PRR16: variants seen among roughly 807,000 people sequenced by gnomAD.
The protein encoded by PRR16 is protein Largen.
In PRR16, 6 loss-of-function variants were observed where a neutral mutation model predicts 18.2. That is an observed-to-expected ratio of 0.33 (90% CI 0.18 to 0.65). The LOEUF is 0.65. Ranked by LOEUF, PRR16 falls within the 30% of genes least tolerant of loss-of-function variation. The pLI is 0.74. For synonymous variants in PRR16, 151 were observed against 147.8 expected, an observed-to-expected ratio of 1.02 and a Z score of -0.16; for missense variants, 412 against 376.6, an observed-to-expected ratio of 1.09 and a Z score of -0.78.
chr5:120,728,246 C>T, the PRR16 span, among the ~76,000 whole-genome samples: 1 of 151,144 alleles, frequency 6.6e-6, no homozygotes, highest in Non-Finnish European at 1.5e-5. Context: ...CAAAAAAATC[C>T]CAAATAATTA....
At chr5:120,667,018 A>C (rs1187537997) in intron 1 of PRR16, among the ~76,000 whole-genome samples, 1 of 150,514 alleles carries the variant, frequency 6.6e-6, no homozygotes, top group African/African-American at 2.4e-5. Context: ...TGATTGGAAT[A>C]GTTTCAGAAG....
chr5:120,479,509 T>G (rs1257844007), intron 1 of PRR16, among the ~76,000 whole-genome samples: 4 of 152,180 alleles, frequency 2.6e-5, no homozygotes, highest in Non-Finnish European at 5.9e-5. Context: ...TTAAATAAGC[T>G]AATGAGATCA....
the PRR16 span, among the ~76,000 whole-genome samples, chr5:120,712,964 G>A: frequency 2.6e-5 from 4 of 152,212 alleles, no homozygotes; most frequent in Admixed American, 6.5e-5. Context: ...TAGCATATAC[G>A]TATATGACCA....
chr5:120,773,567 A>G, the PRR16 span, among the ~76,000 whole-genome samples: 1 of 152,154 alleles, frequency 6.6e-6, no homozygotes, highest in Non-Finnish European at 1.5e-5. Flanking sequence ...TCACACAGCC[A>G]CACCTAACTT....
the PRR16 span, among the ~76,000 whole-genome samples, chr5:120,725,037 T>C: frequency 3.0e-4 from 45 of 152,066 alleles, no homozygotes; most frequent in East Asian, 2.1e-3. Flanking sequence ...AGAGAGAAGA[T>C]AATTGAAAAG....
rs1051099383 is a variant in PRR16, at chr5:120,651,252, C to T, written c.160-34702C>T. ...AGCCCCTTGTCAGATGAGTAGGTTG[C>T]GAAAATGTTCTCCCATTCTGTAGGT... On this transcript the variant is annotated intron_variant, in intron 1 of 1. Transcript: ENST00000407149. Among the ~76,000 whole-genome samples, 488 of 152,142 alleles carry T rather than the reference C, an allele frequency of 3.2e-3. 3 individuals are homozygous for T. Among genetic ancestry groups the T allele is most frequent in the African/African-American group, 0.011 (469 of 41,482 alleles).
At chr5:120,712,432 CT>C in the PRR16 span, among the ~76,000 whole-genome samples, 1 of 152,010 alleles carries the variant, frequency 6.6e-6, no homozygotes, top group Admixed American at 6.6e-5. Flanking sequence ...GACTTTTTCT[CT>C]TCTTTCTTTC....
At chr5:120,743,047 A>G in the PRR16 span, among the ~76,000 whole-genome samples, 1 of 152,204 alleles carries the variant, frequency 6.6e-6, no homozygotes, top group Non-Finnish European at 1.5e-5. Context: ...ATTTAATTGC[A>G]TATGCAAAGT....
chr5:120,717,284 T>C, the PRR16 span, among the ~76,000 whole-genome samples: 1 of 152,218 alleles, frequency 6.6e-6, no homozygotes, highest in African/African-American at 2.4e-5. Flanking sequence ...TAGTGGCAGA[T>C]TCTTGTATAT....
At chr5:120,467,646 C>T (rs1027605429) in intron 1 of PRR16, among the ~76,000 whole-genome samples, 1 of 152,072 alleles carries the variant, frequency 6.6e-6, no homozygotes, top group African/African-American at 2.4e-5. Flanking sequence ...CTAGTCTGCT[C>T]AGCAAGAAGA....
chr5:120,790,584 T>C, the PRR16 span: 2 of 152,216 alleles, frequency 1.3e-5, no homozygotes, highest in African/African-American at 4.8e-5. Context: ...ACTGAGATAA[T>C]AGCATTGTTG....
chr5:120,668,145 G>A (rs1756462032), intron 1 of PRR16, among the ~76,000 whole-genome samples: 1 of 151,448 alleles, frequency 6.6e-6, no homozygotes, highest in Admixed American at 6.6e-5. Flanking sequence ...CTCCTGTATT[G>A]GGTGCATATA....
chr5:120,735,922 A>G, the PRR16 span, among the ~76,000 whole-genome samples: 5 of 152,004 alleles, frequency 3.3e-5, no homozygotes, highest in African/African-American at 4.8e-5. Context: ...CTTTTCTCCT[A>G]TGTTTGCTTC....
chr5:120,586,307 A>G (rs1753441654), intron 1 of PRR16, among the ~76,000 whole-genome samples: 2 of 152,172 alleles, frequency 1.3e-5, no homozygotes. Flanking sequence ...TTACCAAACT[A>G]CTTAGAGGAA....
chr5:120,703,694 GGAGT>G, the PRR16 span, among the ~76,000 whole-genome samples: 8 of 152,132 alleles, frequency 5.3e-5, no homozygotes, highest in African/African-American at 1.9e-4. Context: ...TGAAGAGATT[GGAGT>G]GAGATTTGAA....
intron 1 of PRR16, among the ~76,000 whole-genome samples, chr5:120,541,455 T>G (rs1751912080): frequency 6.6e-6 from 1 of 152,208 alleles, no homozygotes; most frequent in Non-Finnish European, 1.5e-5. Context: ...CAATGACTGT[T>G]TTTTAAAAGC....
intron 1 of PRR16, among the ~76,000 whole-genome samples, chr5:120,513,980 G>A (rs559129871): frequency 7.2e-5 from 11 of 151,992 alleles, no homozygotes; most frequent in African/African-American, 2.4e-4. Context: ...GGCTGGTCTC[G>A]AACTCCTGAC....
At chr5:120,539,902 G>A (rs1248671491) in intron 1 of PRR16, among the ~76,000 whole-genome samples, 1 of 151,980 alleles carries the variant, frequency 6.6e-6, no homozygotes, top group Non-Finnish European at 1.5e-5. Flanking sequence ...GTCATTTTTA[G>A]AGTCTATTGT....
chr5:120,736,896 T>C, the PRR16 span, among the ~76,000 whole-genome samples: 1,764 of 152,162 alleles, frequency 0.012, 32 homozygotes, highest in African/African-American at 0.039. Context: ...TTGATCATTA[T>C]CAGTGAACAG....
Sources: gnomAD v4.1 joint callset for allele counts (sites outside exome capture counted in the v4.1 genomes callset) on GRCh38, gnomAD v4.1.1 for gene constraint, MANE v1.5 for transcripts, NCBI Gene and HGNC (gene_info 2026-07-23, HGNC 2026-07-21) for gene names.